Variants in SPRY3 observed in about 807,000 individuals in gnomAD.
SPRY3 encodes sprouty RTK signaling antagonist 3, also known as protein sprouty homolog 3.
In SPRY3, 15 loss-of-function variants were observed where a neutral mutation model predicts 20.2. The ratio of observed to expected loss-of-function variants is 0.74; its 90% CI spans 0.50 to 1.14. SPRY3 has a LOEUF of 1.14. Among genes scored for constraint, SPRY3 ranks in the 50% most tolerant of loss-of-function variants. The pLI is 0.00. For missense variants in SPRY3, 364 were observed against 363.9 expected (o/e 1.00, Z 0.00); for synonymous variants, 143 against 136.5 (o/e 1.05, Z -0.33).
At chrX:155,715,332 G>T (rs2091014815) in intron 2 of SPRY3, among the ~76,000 whole-genome samples, 1 of 152,124 alleles carries the variant, frequency 6.6e-6, no homozygotes. Flanking sequence ...CAAGACAGCA[G>T]ATTTCCTTTT....
chrX:155,616,100 GTCTC>G lies in SPRY3; in HGVS notation c.-441+3480_-441+3483del, dbSNP rs781921618. Among the ~76,000 whole-genome samples, 94 of 42,869 alleles carry G rather than the reference GTCTC, an allele frequency of 2.2e-3. 2 individuals carry two copies. Among genetic ancestry groups the G allele is most frequent in the African/African-American group, 4.2e-3 (71 of 16,824 alleles). The allele number at this position is 42,869 out of a possible 115,157, so 37.2% of individuals were successfully genotyped here. On this transcript the variant is annotated intron_variant, in intron 1 of 3. Coordinates refer to ENST00000675360, the Ensembl canonical transcript of SPRY3. ...ATTTTTCCCTGCACATTTATCTGGG[GTCTC>G]TCTCTCTCTCTCTCTCTCTCTCTCT...
At chrX:155,726,693 T>C (rs1198045721) in intron 2 of SPRY3, among the ~76,000 whole-genome samples, 2 of 152,166 alleles carry the variant, frequency 1.3e-5, no homozygotes, top group Non-Finnish European at 2.9e-5. Context: ...CTCCATCCCT[T>C]TACTTTGAGC....
intron 2 of SPRY3, among the ~76,000 whole-genome samples, chrX:155,723,051 T>C (rs1308130151): frequency 2.0e-5 from 3 of 152,044 alleles, no homozygotes; most frequent in African/African-American, 4.8e-5. Flanking sequence ...TCTATCCTTG[T>C]GATACTTTGC....
exon 4 of SPRY3, chrX:155,775,774 T>C (rs2091421548): frequency 1.2e-5 from 2 of 167,132 alleles, no homozygotes; most frequent in South Asian, 2.1e-4. Context: ...ACGTGCTTTA[T>C]AGCTAAATGA....
intron 2 of SPRY3, among the ~76,000 whole-genome samples, chrX:155,740,520 G>T (rs904417669): frequency 1.3e-5 from 2 of 152,146 alleles, no homozygotes; most frequent in Non-Finnish European, 2.9e-5. Flanking sequence ...CGCTCTGGGA[G>T]TGTCTGTCTT....
chrX:155,666,468 G>C (rs1448308963), intron 2 of SPRY3, among the ~76,000 whole-genome samples: 2 of 110,507 alleles, frequency 1.8e-5, no homozygotes, highest in African/African-American at 6.6e-5. Flanking sequence ...CTATAGGCCA[G>C]TTAGGAGCTA....
intron 1 of SPRY3, among the ~76,000 whole-genome samples, chrX:155,643,191 C>T (rs142289059): frequency 1.6e-3 from 184 of 111,785 alleles, no homozygotes; most frequent in Middle Eastern, 4.6e-3. Flanking sequence ...TCATTATATC[C>T]TCTCACTGAA....
intron 2 of SPRY3, among the ~76,000 whole-genome samples, chrX:155,731,460 C>T (rs923208260): frequency 6.6e-6 from 1 of 151,654 alleles, no homozygotes; most frequent in African/African-American, 2.4e-5. Context: ...TATCTACATG[C>T]AGAATGAAAC....
At chrX:155,641,489 T>C (rs1231519032) in intron 1 of SPRY3, among the ~76,000 whole-genome samples, 7 of 115,134 alleles carry the variant, frequency 6.1e-5, no homozygotes, top group African/African-American at 2.2e-4. Context: ...AGAAAAAAGC[T>C]GTAGGCTTTA....
intron 1 of SPRY3, among the ~76,000 whole-genome samples, chrX:155,643,471 G>C (rs1226017657): frequency 3.6e-5 from 4 of 111,331 alleles, no homozygotes; most frequent in Non-Finnish European, 7.5e-5. Context: ...TGTTATTATT[G>C]ATAAGTAAGG....
chrX:155,716,403 C>T (rs2091022916), intron 2 of SPRY3, among the ~76,000 whole-genome samples: 1 of 152,038 alleles, frequency 6.6e-6, no homozygotes, highest in African/African-American at 2.4e-5. Context: ...TTAAAGATTG[C>T]TTCCTTCAAT....
At chrX:155,651,437 T>G (rs782528919) in intron 1 of SPRY3, among the ~76,000 whole-genome samples, 30 of 112,008 alleles carry the variant, frequency 2.7e-4, no homozygotes, top group Non-Finnish European at 4.9e-4. Context: ...TTCCCCCTGG[T>G]GGCTAATGAT....
intron 2 of SPRY3, among the ~76,000 whole-genome samples, chrX:155,734,026 C>A (rs1456912620): frequency 2.0e-5 from 3 of 152,090 alleles, no homozygotes; most frequent in Non-Finnish European, 4.4e-5. Flanking sequence ...TCCGGATAAG[C>A]AATAAGGCTG....
chrX:155,734,805 A>G (rs1341964660), intron 2 of SPRY3, among the ~76,000 whole-genome samples: 2 of 152,018 alleles, frequency 1.3e-5, no homozygotes, highest in East Asian at 1.9e-4. Context: ...AAAGAACTAG[A>G]TTTGGGTTTC....
At chrX:155,767,425 A>G (rs1326578642) in intron 2 of SPRY3, among the ~76,000 whole-genome samples, 2 of 152,008 alleles carry the variant, frequency 1.3e-5, no homozygotes, top group Admixed American at 6.6e-5. Context: ...CATATAAATA[A>G]TCACACACTG....
intron 2 of SPRY3, among the ~76,000 whole-genome samples, chrX:155,719,709 A>G (rs1469225913): frequency 2.0e-5 from 3 of 152,092 alleles, no homozygotes; most frequent in Non-Finnish European, 2.9e-5. Flanking sequence ...CGACAATACT[A>G]GACACACCCT....
downstream of SPRY3, chrX:155,781,574 TTG>T (rs1374202289): frequency 6.0e-6 from 1 of 166,996 alleles, no homozygotes; most frequent in Non-Finnish European, 1.5e-5. Flanking sequence ...GCCAGAATTC[TTG>T]TCTTTATACT....
At chrX:155,764,090 A>G (rs1023123102) in intron 2 of SPRY3, among the ~76,000 whole-genome samples, 6 of 152,136 alleles carry the variant, frequency 3.9e-5, no homozygotes, top group African/African-American at 1.2e-4. Context: ...AGATGTGTTG[A>G]TCTGTGCTGA....
At chrX:155,715,745 G>T (rs2091017708) in intron 2 of SPRY3, among the ~76,000 whole-genome samples, 1 of 152,150 alleles carries the variant, frequency 6.6e-6, no homozygotes, top group Admixed American at 6.5e-5. Context: ...CAATTGCTGG[G>T]ATACATGATA....
Sources: allele counts gnomAD v4.1 joint callset (sites outside exome capture counted in the v4.1 genomes callset), GRCh38; gene constraint gnomAD v4.1.1; transcripts MANE v1.5; gene names NCBI Gene and HGNC (gene_info 2026-07-23, HGNC 2026-07-21).